The following WASF3 variants were observed in gnomAD, a reference collection of about 807,000 sequenced individuals.
The protein encoded by WASF3 is actin-binding protein WASF3.
A neutral mutation model predicts 46.6 loss-of-function variants in WASF3; 11 were observed. The observed-to-expected ratio is 0.24, with a 90% CI of 0.15 to 0.39. WASF3 has a LOEUF of 0.39. Among genes scored for constraint, WASF3 ranks in the 10% least tolerant of loss-of-function variants. The pLI, the probability that WASF3 is intolerant of heterozygous loss-of-function variation, is 1.00. For missense variants in WASF3, 576 were observed against 669.8 expected (o/e 0.86, Z 1.55); for synonymous variants, 242 against 259.7 (o/e 0.93, Z 0.65).
chr13:26,565,624 C>T (rs1879441129), intron 1 of WASF3, among the ~76,000 whole-genome samples: 1 of 152,088 alleles, frequency 6.6e-6, no homozygotes, highest in African/African-American at 2.4e-5. Context: ...ACACAGTAAC[C>T]CCCTAATTCC....
At chr13:26,661,261 G>A (rs1341200268) in intron 3 of WASF3, among the ~76,000 whole-genome samples, 5 of 152,142 alleles carry the variant, frequency 3.3e-5, no homozygotes, top group Non-Finnish European at 5.9e-5. Flanking sequence ...CTCTGCGCTC[G>A]TTACAGAACT....
chr13:26,657,264 T>G (rs899100821), intron 3 of WASF3, among the ~76,000 whole-genome samples: 1 of 152,218 alleles, frequency 6.6e-6, no homozygotes, highest in Non-Finnish European at 1.5e-5. Flanking sequence ...GAGCGCAGGT[T>G]CTAAATCACT....
intron 3 of WASF3, among the ~76,000 whole-genome samples, chr13:26,661,778 TGTTTTTGTTTTTTAAATA>T (rs1882638561): frequency 6.6e-6 from 1 of 152,238 alleles, no homozygotes; most frequent in African/African-American, 2.4e-5. Context: ...TCTGCGTTTT[TGTTTTTGTTTTTTAAATA>T]GTAGCATCCT....
intron 7 of WASF3, among the ~76,000 whole-genome samples, chr13:26,678,924 C>G (rs187870244): frequency 1.3e-5 from 2 of 152,184 alleles, no homozygotes; most frequent in African/African-American, 4.8e-5. Flanking sequence ...TACTTCCTCC[C>G]GTGTGGTGTC....
At chr13:26,551,277 C>T in the WASF3 span, among the ~76,000 whole-genome samples, 1 of 152,138 alleles carries the variant, frequency 6.6e-6, no homozygotes, top group Admixed American at 6.5e-5. Context: ...ATTACTGAGT[C>T]TCAGGTAGTT....
intron 1 of WASF3, among the ~76,000 whole-genome samples, chr13:26,578,992 C>CATTTTT (rs773477513): frequency 2.7e-5 from 1 of 36,714 alleles, no homozygotes; most frequent in Non-Finnish European, 5.0e-5. Flanking sequence ...GGATACATTT[C>CATTTTT]CTTTTTTTTT....
At chr13:26,541,533 TAG>T in the WASF3 span, among the ~76,000 whole-genome samples, 27 of 152,264 alleles carry the variant, frequency 1.8e-4, no homozygotes, top group Admixed American at 6.5e-4. Flanking sequence ...CAAGCAGTGT[TAG>T]TTATTATAGG....
intron 1 of WASF3, among the ~76,000 whole-genome samples, chr13:26,560,488 A>G (rs116385385): frequency 0.012 from 1,893 of 152,264 alleles, 43 homozygotes; most frequent in African/African-American, 0.043. Flanking sequence ...TGTAGATGAA[A>G]TATATAACCC....
rs191046651 is a variant in WASF3 at position 26,623,534 on chromosome 13, C to T, written c.-11+10476C>T. Among the ~76,000 whole-genome samples, 31 of 152,342 alleles carry T rather than the reference C, an allele frequency of 2.0e-4. No individual in the cohort carries two copies. The East Asian group carries it at 4.1e-3, about 20-fold the overall frequency. On this transcript the variant is annotated intron_variant, in intron 2 of 9. Coordinates refer to ENST00000335327, the MANE Select transcript of WASF3 (RefSeq NM_006646.6). ...CAAAAGCAGGACAGACTCTTAGGCTCATAATCTTTCACTGATGCAAAGCAA... is the reference window on the plus strand; with the variant it reads ...CAAAAGCAGGACAGACTCTTAGGCTTATAATCTTTCACTGATGCAAAGCAA...
rs759308416 is a variant in WASF3 at position 26,681,334 on chromosome 13, C to A, written c.983+14C>A. The A allele has an allele frequency of 1.3e-6, 2 of 1,557,734 alleles. No individual in the cohort carries two copies. The highest frequency in any genetic ancestry group is 2.4e-5 in the South Asian group (2 of 82,880). ...AGCAGACTACGGGTAACTCAGCATG[C>A]CTTGTACCCTAATCCCTCCTGGCCT... On this transcript the variant is annotated intron_variant, in intron 8 of 9. Coordinates refer to ENST00000335327, the MANE Select transcript of WASF3 (RefSeq NM_006646.6).
At chr13:26,672,118 TCA>T in intron 6 of WASF3, 129 bp downstream of exon 6, 1 of 692,322 alleles carries the variant, frequency 1.4e-6, no homozygotes, top group Non-Finnish European at 2.4e-6. Context: ...GTTGCATTTC[TCA>T]CAAAAGATCC....
intron 6 of WASF3, among the ~76,000 whole-genome samples, chr13:26,674,311 C>T (rs1346874624): frequency 7.2e-5 from 11 of 152,100 alleles, no homozygotes; most frequent in Admixed American, 7.2e-4. Flanking sequence ...TTGATCTTAG[C>T]CAAAAGGCCG....
Position 26,591,889 on chromosome 13 carries a change from C to T in WASF3, c.-108-21072C>T, listed in dbSNP as rs375752555. Reference sequence around the variant, plus strand: ...GGCACTGGTGACTATTACTTGGTCACCCCTTAAGGTACTTGCATCCCTGCC... The same window carrying T: ...GGCACTGGTGACTATTACTTGGTCATCCCTTAAGGTACTTGCATCCCTGCC... On this transcript the variant is annotated intron_variant, in intron 1 of 9. Coordinates refer to ENST00000335327, the MANE Select transcript of WASF3 (RefSeq NM_006646.6). Among the ~76,000 whole-genome samples, 195 of 152,226 alleles carry T rather than the reference C, an allele frequency of 1.3e-3. 1 individual carries two copies. Among genetic ancestry groups the T allele is most frequent in the African/African-American group, 4.5e-3 (188 of 41,524 alleles).
chr13:26,554,345 G>A (rs770873265), upstream of WASF3, among the ~76,000 whole-genome samples: 2 of 151,760 alleles, frequency 1.3e-5, no homozygotes, highest in African/African-American at 4.8e-5. Flanking sequence ...TGCCCAGGCT[G>A]GTCTCAAATT....
rs145971288 is a variant in WASF3, at chr13:26,663,784, G to A, written c.134-1244G>A. 4.7e-4 allele frequency among the ~76,000 whole-genome samples: 72 copies of A among 152,280 alleles called. No individual in the cohort carries two copies. In the Middle Eastern group the frequency reaches 0.01, roughly 22 times the overall value. On this transcript the variant is annotated intron_variant, in intron 3 of 9. Transcript: ENST00000335327. ...ATAAGAAATTATCGAGTGTTTCATG[G>A]CATGAAATAATTCATGAAGATTGCA...
intron 6 of WASF3, among the ~76,000 whole-genome samples, chr13:26,675,262 T>A (rs1392942363): frequency 6.6e-6 from 1 of 152,158 alleles, no homozygotes; most frequent in Non-Finnish European, 1.5e-5. Context: ...TCTTCCTGCC[T>A]TTCAGATCTT....
chr13:26,623,830 G>A (rs1489795317), intron 2 of WASF3, among the ~76,000 whole-genome samples: 1 of 152,120 alleles, frequency 6.6e-6, no homozygotes, highest in East Asian at 1.9e-4. Flanking sequence ...AAATGTCAAG[G>A]AACTACAGGA....
At chr13:26,546,561 A>C in the WASF3 span, among the ~76,000 whole-genome samples, 4 of 152,050 alleles carry the variant, frequency 2.6e-5, no homozygotes, top group Admixed American at 2.0e-4. Flanking sequence ...AAATACAAAA[A>C]TTAGGCTGGG....
chr13:26,572,680 G>A (rs1879675413), intron 1 of WASF3, among the ~76,000 whole-genome samples: 1 of 152,060 alleles, frequency 6.6e-6, no homozygotes, highest in African/African-American at 2.4e-5. Flanking sequence ...ATTCTGCCGA[G>A]TAGCTGAGAC....
Sources: gnomAD v4.1 joint callset for allele counts (sites outside exome capture counted in the v4.1 genomes callset) on GRCh38, gnomAD v4.1.1 for gene constraint, MANE v1.5 for transcripts, NCBI Gene and HGNC (gene_info 2026-07-23, HGNC 2026-07-21) for gene names.